The following GNAI1 variants were observed in gnomAD, a reference collection of about 807,000 sequenced individuals.
GNAI1 encodes guanine nucleotide-binding protein G(i) subunit alpha-1.
GNAI1 carries 11 observed loss-of-function variants against 38.9 expected under a neutral mutation model. The ratio of observed to expected loss-of-function variants is 0.28; its 90% CI spans 0.18 to 0.47. The LOEUF is 0.47. Among genes scored for constraint, GNAI1 ranks in the 20% least tolerant of loss-of-function variants. The pLI, the probability that GNAI1 is intolerant of heterozygous loss-of-function variation, is 0.99. For missense variants in GNAI1, 317 were observed against 436.9 expected (o/e 0.73, Z 2.45); for synonymous variants, 166 against 145.1 (o/e 1.14, Z -1.04).
intron 1 of GNAI1, among the ~76,000 whole-genome samples, chr7:80,145,756 G>T (rs1257635077): frequency 1.3e-5 from 2 of 152,054 alleles, no homozygotes; most frequent in Middle Eastern, 3.2e-3. Flanking sequence ...GAGGTAAATT[G>T]TGTCCTCTTA....
At chr7:80,175,392 A>T (rs1788167072) in intron 1 of GNAI1, among the ~76,000 whole-genome samples, 1 of 149,612 alleles carries the variant, frequency 6.7e-6, no homozygotes, top group South Asian at 2.1e-4. Context: ...GTGTATAAAA[A>T]TAATGAAAGA....
rs930102232 is a variant in GNAI1 at position 80,221,518 on chromosome 7, A to G, written c.*4025A>G. Among the ~76,000 whole-genome samples, 5 of 152,120 alleles carry G rather than the reference A, an allele frequency of 3.3e-5. No individual in the cohort carries two copies. Among genetic ancestry groups the G allele is most frequent in the Non-Finnish European group, 7.4e-5 (5 of 68,024 alleles). Reference sequence around the variant, plus strand: ...TCATAATGAAAACTAAGTGTCTCACATATTGATACTGGAAAATGAGAAAAT... The same window carrying G: ...TCATAATGAAAACTAAGTGTCTCACGTATTGATACTGGAAAATGAGAAAAT... On this transcript the variant is annotated 3_prime_UTR_variant, in exon 8 of 8. Transcript: ENST00000649796.
chr7:80,135,346 CG>C, intron 1 of GNAI1, 68 bp downstream of exon 1: 1 of 941,776 alleles, frequency 1.1e-6, no homozygotes, highest in Non-Finnish European at 1.5e-6. Flanking sequence ...CGGCCCTCGG[CG>C]TTTGGAAACC....
chr7:80,164,979 C>T (rs1472329788), intron 1 of GNAI1, among the ~76,000 whole-genome samples: 1 of 151,874 alleles, frequency 6.6e-6, no homozygotes, highest in Non-Finnish European at 1.5e-5. Context: ...CTAAAGATGA[C>T]ATTATTTGTC....
intron 7 of GNAI1, 30 bp from the exon 8 acceptor site, chr7:80,217,273 A>G (rs747327986): frequency 3.6e-6 from 4 of 1,095,902 alleles, no homozygotes; most frequent in South Asian, 1.7e-5. Flanking sequence ...AACTTTTTGC[A>G]TTTATGTTTC....
intron 1 of GNAI1, among the ~76,000 whole-genome samples, chr7:80,152,710 G>GC (rs1326858176): frequency 6.6e-6 from 1 of 151,778 alleles, no homozygotes; most frequent in East Asian, 1.9e-4. Flanking sequence ...ACAGGCGCCT[G>GC]CCACCATGCC....
At chr7:80,194,819 T>C (rs1788540072) in intron 3 of GNAI1, among the ~76,000 whole-genome samples, 1 of 152,006 alleles carries the variant, frequency 6.6e-6, no homozygotes, top group Admixed American at 6.6e-5. Flanking sequence ...TTTCTACATA[T>C]TGTAGGCTTT....
intron 7 of GNAI1, 69 bp from the exon 8 acceptor site, chr7:80,217,234 C>CTGACTTCAGTTTCATATTTATGAAAA: frequency 9.6e-7 from 1 of 1,045,088 alleles, no homozygotes; most frequent in Non-Finnish European, 1.4e-6. Context: ...ATGTATGAAA[C>CTGACTTCAGTTTCATATTTATGAAAA]TGAATTCAGT....
intron 1 of GNAI1, among the ~76,000 whole-genome samples, chr7:80,185,784 T>C (rs1788376467): frequency 6.6e-6 from 1 of 152,196 alleles, no homozygotes; most frequent in African/African-American, 2.4e-5. Context: ...TACTCTTTCC[T>C]GTATGCTATA....
chr7:80,209,960 C>T (rs967585675), intron 5 of GNAI1, among the ~76,000 whole-genome samples: 1 of 152,086 alleles, frequency 6.6e-6, no homozygotes, highest in African/African-American at 2.4e-5. Context: ...CTTAAGTGAT[C>T]ATAAAAGTAA....
chr7:80,164,615 G>A (rs940022064), intron 1 of GNAI1, among the ~76,000 whole-genome samples: 4 of 152,024 alleles, frequency 2.6e-5, no homozygotes, highest in Non-Finnish European at 5.9e-5. Context: ...GCCTGCCTTG[G>A]CCTCCCCACT....
Position 80,217,934 on chromosome 7 carries a change from T to C in GNAI1, c.*441T>C, listed in dbSNP as rs1789001528. 1 of 152,704 alleles carries C rather than the reference T, an allele frequency of 6.5e-6. No individual in the cohort carries two copies. Among genetic ancestry groups the C allele is most frequent in the Non-Finnish European group, 1.5e-5 (1 of 68,082 alleles). The allele number at this position is 152,704 out of a possible 1,614,324, so 9.5% of individuals were successfully genotyped here. A position where few individuals can be genotyped will look rare whatever the true frequency, so the allele number is the denominator to read the frequency against. On this transcript the variant is annotated 3_prime_UTR_variant, in exon 8 of 8. Coordinates refer to ENST00000649796, the MANE Select transcript of GNAI1 (RefSeq NM_002069.6). ...CAGTTTTAAACAGCTTTATTTATGTTCATGTCCTGTAAATTTTTAAGTACA... is the reference window on the plus strand; with the variant it reads ...CAGTTTTAAACAGCTTTATTTATGTCCATGTCCTGTAAATTTTTAAGTACA...
At chr7:80,200,580 A>G (rs375648109) in intron 4 of GNAI1, among the ~76,000 whole-genome samples, 218 of 152,242 alleles carry the variant, frequency 1.4e-3, no homozygotes, top group African/African-American at 5.1e-3. Context: ...GTCTAGGTGA[A>G]TGCATGCACT....
intron 6 of GNAI1, among the ~76,000 whole-genome samples, chr7:80,211,526 C>A (rs559402391): frequency 6.6e-6 from 1 of 151,236 alleles, no homozygotes; most frequent in African/African-American, 2.4e-5. Context: ...CAAGCCAGTT[C>A]TCCTGCCTCA....
chr7:80,210,788 G>A (rs767480344), intron 5 of GNAI1, among the ~76,000 whole-genome samples, 181 bp from the exon 6 acceptor site: 3 of 148,918 alleles, frequency 2.0e-5, no homozygotes, highest in Non-Finnish European at 3.0e-5. Context: ...AAACTAGCAG[G>A]TTTTTTTCCC....
chr7:80,163,368 T>C (rs1343040155), intron 1 of GNAI1, among the ~76,000 whole-genome samples: 2 of 152,212 alleles, frequency 1.3e-5, no homozygotes, highest in Admixed American at 6.5e-5. Context: ...AATGAGTTCT[T>C]ACACCTTGCT....
chr7:80,184,489 C>T (rs1238290332), intron 1 of GNAI1, among the ~76,000 whole-genome samples: 4 of 152,144 alleles, frequency 2.6e-5, no homozygotes, highest in African/African-American at 7.2e-5. Context: ...TTGAGGCATT[C>T]TTCCCTTACC....
chr7:80,184,467 G>C (rs755940253), intron 1 of GNAI1, among the ~76,000 whole-genome samples: 1 of 152,086 alleles, frequency 6.6e-6, no homozygotes, highest in Non-Finnish European at 1.5e-5. Flanking sequence ...CTGGAGTTGT[G>C]CCCATACTCA....
intron 1 of GNAI1, among the ~76,000 whole-genome samples, chr7:80,176,560 CTT>C (rs1214397192): frequency 6.6e-6 from 1 of 152,180 alleles, no homozygotes; most frequent in Non-Finnish European, 1.5e-5. Flanking sequence ...GACTTACTCT[CTT>C]GTTAGGGGCT....
Sources: allele counts gnomAD v4.1 joint callset (sites outside exome capture counted in the v4.1 genomes callset), GRCh38; gene constraint gnomAD v4.1.1; transcripts MANE v1.5; gene names NCBI Gene and HGNC (gene_info 2026-07-23, HGNC 2026-07-21).